Variants in PCBD2 observed in about 807,000 individuals in gnomAD.
The protein encoded by PCBD2 is pterin-4-alpha-carbinolamine dehydratase 2.
In PCBD2, 12 loss-of-function variants were observed where a neutral mutation model predicts 16.4. The ratio of observed to expected loss-of-function variants is 0.73; its 90% CI spans 0.47 to 1.19. The LOEUF (loss-of-function observed/expected upper bound fraction) is 1.19. PCBD2 is among the 50% of genes most tolerant of loss of function. The probability of loss-of-function intolerance (pLI) is 0.00; values close to 1 mark genes in which losing one functional copy is unlikely to be tolerated. For synonymous variants in PCBD2, 58 were observed against 61.8 expected, an observed-to-expected ratio of 0.94 and a Z score of 0.29; for missense variants, 138 against 156.8, an observed-to-expected ratio of 0.88 and a Z score of 0.64.
intron 2 of PCBD2, among the ~76,000 whole-genome samples, chr5:134,928,860 G>T (rs1221836894): frequency 6.6e-6 from 1 of 152,134 alleles, no homozygotes; most frequent in Non-Finnish European, 1.5e-5. Context: ...TAGGTGGCTG[G>T]AAGTGATATT....
At chr5:134,929,085 G>A (rs904706230) in intron 2 of PCBD2, among the ~76,000 whole-genome samples, 1 of 152,160 alleles carries the variant, frequency 6.6e-6, no homozygotes, top group African/African-American at 2.4e-5. Context: ...TAGATGAGAT[G>A]ACTCAAGAAG....
At chr5:134,933,181 CTTTCA>C (rs1219282311) in intron 2 of PCBD2, among the ~76,000 whole-genome samples, 3 of 152,126 alleles carry the variant, frequency 2.0e-5, no homozygotes, top group Admixed American at 2.0e-4. Flanking sequence ...TCAGTTGCTT[CTTTCA>C]TTTCATGTAT....
chr5:134,946,156 C>G (rs1303098217), intron 2 of PCBD2, among the ~76,000 whole-genome samples: 1 of 151,548 alleles, frequency 6.6e-6, no homozygotes, highest in Non-Finnish European at 1.5e-5. Flanking sequence ...GAATGTTTCT[C>G]TCCTTAAGCC....
chr5:134,959,469 A>G (rs1298331559), intron 3 of PCBD2, among the ~76,000 whole-genome samples: 3 of 152,198 alleles, frequency 2.0e-5, no homozygotes, highest in African/African-American at 4.8e-5. Flanking sequence ...ATATGGCCTC[A>G]TTTATCTCGT....
intron 2 of PCBD2, chr5:134,924,687 G>A (rs375225134): frequency 2.5e-6 from 1 of 396,418 alleles, no homozygotes; most frequent in Non-Finnish European, 4.5e-6. Context: ...GTGGGAAGAA[G>A]AAAGAGAGGA....
chr5:134,959,248 C>G, intron 3 of PCBD2, 128 bp downstream of exon 3: 1 of 666,520 alleles, frequency 1.5e-6, no homozygotes, highest in South Asian at 2.3e-5. Flanking sequence ...CTCAGAATCC[C>G]TGTGTATTAT....
At chr5:134,919,495 G>A (rs1037526991) in intron 2 of PCBD2, among the ~76,000 whole-genome samples, 2 of 152,156 alleles carry the variant, frequency 1.3e-5, no homozygotes, top group African/African-American at 4.8e-5. Flanking sequence ...TTTCATTTAT[G>A]TAAATTGCTT....
intron 2 of PCBD2, among the ~76,000 whole-genome samples, chr5:134,950,067 T>C (rs535157720): frequency 6.6e-6 from 1 of 152,348 alleles, no homozygotes; most frequent in East Asian, 1.9e-4. Context: ...TGTAATAGTG[T>C]TTTCATTTGT....
intron 2 of PCBD2, among the ~76,000 whole-genome samples, chr5:134,949,724 G>A (rs1751338413): frequency 6.6e-6 from 1 of 152,192 alleles, no homozygotes; most frequent in Non-Finnish European, 1.5e-5. Context: ...GAAAGTCTTG[G>A]TGAGACATGT....
intron 2 of PCBD2, among the ~76,000 whole-genome samples, chr5:134,928,789 C>T (rs991146260): frequency 6.6e-5 from 10 of 152,118 alleles, no homozygotes; most frequent in Non-Finnish European, 1.5e-4. Context: ...AAGCCAAGAT[C>T]GTGCCACTCC....
intron 2 of PCBD2, chr5:134,926,092 A>G (rs983392622): frequency 5.2e-5 from 18 of 344,710 alleles, no homozygotes; most frequent in Non-Finnish European, 8.8e-5. Flanking sequence ...GATTAGGAAG[A>G]TGAGTAGGTA....
intron 2 of PCBD2, 91 bp from the exon 3 acceptor site, chr5:134,958,948 CT>C (rs947520678): frequency 1.1e-6 from 1 of 941,560 alleles, no homozygotes; most frequent in African/African-American, 1.7e-5. Flanking sequence ...GGATCCTTGC[CT>C]GCCTTTATGT....
chr5:134,944,115 T>C (rs1290906341), intron 2 of PCBD2, among the ~76,000 whole-genome samples: 1 of 152,228 alleles, frequency 6.6e-6, no homozygotes, highest in Non-Finnish European at 1.5e-5. Flanking sequence ...TAAAATATTT[T>C]CAGTGAATTG....
At chr5:134,958,267 C>T (rs1751436377) in intron 2 of PCBD2, among the ~76,000 whole-genome samples, 1 of 152,206 alleles carries the variant, frequency 6.6e-6, no homozygotes, top group Non-Finnish European at 1.5e-5. Flanking sequence ...TTTCCTTCTT[C>T]TGAAGACAAG....
At chr5:134,941,297 C>T (rs1021084066) in intron 2 of PCBD2, among the ~76,000 whole-genome samples, 3 of 152,106 alleles carry the variant, frequency 2.0e-5, no homozygotes, top group Admixed American at 2.0e-4. Context: ...GCACACTAGA[C>T]TGTTAATACC....
At chr5:134,917,152 G>T (rs538757073) in intron 2 of PCBD2, among the ~76,000 whole-genome samples, 2 of 152,358 alleles carry the variant, frequency 1.3e-5, no homozygotes, top group East Asian at 3.9e-4. Context: ...ACATGTATGG[G>T]ATGAACTGGA....
intron 2 of PCBD2, chr5:134,924,942 G>T (rs528666636): frequency 7.7e-6 from 3 of 391,700 alleles, no homozygotes; most frequent in East Asian, 7.2e-5. Context: ...TGTTGGTTAG[G>T]TAGTTGAGAT....
Position 134,906,682 on chromosome 5 carries a change from C to G in PCBD2, c.84+1459C>G, listed in dbSNP as rs149760326. 8.2e-3 allele frequency among the ~76,000 whole-genome samples: 1,254 copies of G among 152,194 alleles called. 49 individuals carry two copies. The highest frequency in any genetic ancestry group is 0.059 in the Admixed American group (904 of 15,296). ...GACATGATTTGAGCGCTGCCCCATG[C>G]CAGGCTCAATGCTAGGTACCCTCAC... On this transcript the variant is annotated intron_variant, in intron 1 of 3. Transcript: ENST00000254908.
At chr5:134,912,171 T>C (rs901256141) in intron 2 of PCBD2, among the ~76,000 whole-genome samples, 8 of 152,184 alleles carry the variant, frequency 5.3e-5, no homozygotes, top group Non-Finnish European at 1.2e-4. Context: ...TTTTTCCCAT[T>C]CACCCAACTT....
Sources: allele counts gnomAD v4.1 joint callset (sites outside exome capture counted in the v4.1 genomes callset), GRCh38; gene constraint gnomAD v4.1.1; transcripts MANE v1.5; gene names NCBI Gene and HGNC (gene_info 2026-07-23, HGNC 2026-07-21).